CDH8: variants seen among roughly 807,000 people sequenced by gnomAD.
CDH8 encodes cadherin-8.
CDH8 carries 17 observed loss-of-function variants against 68.1 expected under a neutral mutation model. The ratio of observed to expected loss-of-function variants is 0.25; its 90% CI spans 0.17 to 0.37. The LOEUF is 0.37. CDH8 is among the 10% of genes least tolerant of loss of function. CDH8 has a pLI of 1.00. For missense variants in CDH8, 763 were observed against 999.3 expected (o/e 0.76, Z 3.19); for synonymous variants, 372 against 365.1 (o/e 1.02, Z -0.21).
intron 8 of CDH8, among the ~76,000 whole-genome samples, chr16:61,784,198 C>G (rs1193028897): frequency 6.6e-6 from 1 of 151,910 alleles, no homozygotes; most frequent in East Asian, 1.9e-4. Flanking sequence ...ACCCATCTCA[C>G]GTGCAGAGAC....
rs745949180 is a variant in CDH8, at chr16:61,650,706, T to TGTGTGTGAGAGAGAGAGAGAGAGAGAGA, written c.*2901_*2902insTCTCTCTCTCTCTCTCTCTCTCACACAC. ...GTGTGTGTGTGTGTGTGTGTGTGTG[T>TGTGTGTGAGAGAGAGAGAGAGAGAGAGA]GAGAGAGAGAGAGAGAGAGAGAGAG... On this transcript the variant is annotated 3_prime_UTR_variant, in exon 12 of 12. Transcript: ENST00000577390. The TGTGTGTGAGAGAGAGAGAGAGAGAGAGA allele has an allele frequency of 8.6e-6, 1 of 116,596 alleles. No homozygotes were observed. The highest frequency in any genetic ancestry group is 3.4e-5 in the African/African-American group (1 of 29,794). 7.2% of individuals were successfully genotyped at this position (116,596 alleles called of 1,614,324 possible). A position where few individuals can be genotyped will look rare whatever the true frequency, so the allele number is the denominator to read the frequency against.
intron 10 of CDH8, chr16:61,692,494 G>T (rs1964246115): frequency 1.3e-5 from 2 of 150,998 alleles, no homozygotes; most frequent in South Asian, 4.2e-4. Flanking sequence ...AAAAGCATGT[G>T]TGTTTATCTG....
chr16:61,837,300 T>C (rs1462285335), intron 4 of CDH8, among the ~76,000 whole-genome samples: 2 of 152,088 alleles, frequency 1.3e-5, no homozygotes, highest in African/African-American at 4.8e-5. Flanking sequence ...TTGCATTTTT[T>C]CTTTATGTTT....
At chr16:61,955,732 C>T (rs1447395962) in intron 2 of CDH8, among the ~76,000 whole-genome samples, 1 of 152,082 alleles carries the variant, frequency 6.6e-6, no homozygotes, top group Non-Finnish European at 1.5e-5. Flanking sequence ...TTCTGATAGT[C>T]TGTAAAAATA....
chr16:61,815,620 TC>T (rs1224171777), intron 7 of CDH8, among the ~76,000 whole-genome samples: 2 of 152,120 alleles, frequency 1.3e-5, no homozygotes, highest in Non-Finnish European at 2.9e-5. Flanking sequence ...ACCCTTATTT[TC>T]CCTAAGGACC....
At position 61,791,989 on chromosome 16, in the gene CDH8, G is replaced by T. The variant is rs1315759441; in HGVS notation, c.1278-2507C>A. On this transcript the variant is annotated intron_variant, in intron 7 of 11. Transcript: ENST00000577390. ...AGCTTAAATCAATCTCTGGCACTAA[G>T]TATGTACTAAAAATAGGCTCATCAT... is the stretch of plus-strand genomic sequence containing the variant. Among the ~76,000 whole-genome samples the T allele has an allele frequency of 2.6e-5, 4 of 151,980 alleles. No individual in the cohort carries two copies. The East Asian group carries it at 7.7e-4, about 29-fold the overall frequency.
intron 2 of CDH8, among the ~76,000 whole-genome samples, chr16:61,921,541 AT>A (rs1307941405): frequency 5.9e-5 from 9 of 152,360 alleles, no homozygotes; most frequent in Admixed American, 4.6e-4. Flanking sequence ...AAACTTCTAA[AT>A]ACTTAAATAT....
At chr16:61,733,228 A>G (rs761855712) in intron 8 of CDH8, among the ~76,000 whole-genome samples, 5 of 151,840 alleles carry the variant, frequency 3.3e-5, no homozygotes, top group Non-Finnish European at 7.4e-5. Flanking sequence ...AGTAAAATGT[A>G]TATGCTAAGC....
intron 2 of CDH8, among the ~76,000 whole-genome samples, chr16:61,982,366 C>T (rs910127644): frequency 6.6e-6 from 1 of 152,078 alleles, no homozygotes; most frequent in Non-Finnish European, 1.5e-5. Flanking sequence ...ACTACAGGCG[C>T]CCGCCACCTC....
intron 10 of CDH8, among the ~76,000 whole-genome samples, chr16:61,705,737 G>A (rs1964516007): frequency 6.7e-6 from 1 of 149,474 alleles, no homozygotes; most frequent in African/African-American, 2.5e-5. Context: ...CACAAAATTG[G>A]GTTAAGGAGG....
At chr16:61,958,843 G>A (rs530021009) in intron 2 of CDH8, among the ~76,000 whole-genome samples, 14 of 152,232 alleles carry the variant, frequency 9.2e-5, no homozygotes, top group Admixed American at 9.2e-4. Context: ...CTACTCAAGA[G>A]TATGACACAG....
intron 2 of CDH8, among the ~76,000 whole-genome samples, chr16:61,954,700 C>CAAAA (rs35839753): frequency 2.2e-4 from 15 of 67,886 alleles, no homozygotes; most frequent in East Asian, 5.9e-4. Context: ...GACTCCATCT[C>CAAAA]AAAAAAAAAA....
chr16:61,657,937 A>T (rs1487107019), intron 10 of CDH8, among the ~76,000 whole-genome samples: 1 of 152,088 alleles, frequency 6.6e-6, no homozygotes, highest in East Asian at 1.9e-4. Flanking sequence ...ATATTTTTTT[A>T]CTAATCCTGG....
chr16:62,025,299 C>G (rs901414967), intron 1 of CDH8, among the ~76,000 whole-genome samples: 4 of 152,132 alleles, frequency 2.6e-5, no homozygotes, highest in African/African-American at 9.6e-5. Context: ...TTTTTCCTAC[C>G]CATCAAATTC....
chr16:61,669,277 A>G (rs1344405766), intron 10 of CDH8, among the ~76,000 whole-genome samples: 1 of 152,078 alleles, frequency 6.6e-6, no homozygotes, highest in Non-Finnish European at 1.5e-5. Context: ...GACACATTTA[A>G]TTAATTCCAC....
At chr16:61,920,486 A>G (rs1246696913) in intron 2 of CDH8, among the ~76,000 whole-genome samples, 2 of 144,102 alleles carry the variant, frequency 1.4e-5, no homozygotes, top group East Asian at 4.2e-4. Flanking sequence ...TTATGCAGCC[A>G]AAAAACACAT....
intron 10 of CDH8, among the ~76,000 whole-genome samples, chr16:61,678,488 T>C (rs1188765307): frequency 6.6e-6 from 1 of 152,060 alleles, no homozygotes; most frequent in Non-Finnish European, 1.5e-5. Context: ...GTGTCAGATA[T>C]CAATTCCTTT....
chr16:61,702,780 A>G (rs1964458031), intron 10 of CDH8, among the ~76,000 whole-genome samples: 1 of 152,240 alleles, frequency 6.6e-6, no homozygotes, highest in African/African-American at 2.4e-5. Context: ...AGGATTTAAG[A>G]GACAGTGTGT....
chr16:61,733,996 C>T (rs1247610156), intron 8 of CDH8, among the ~76,000 whole-genome samples: 2 of 151,902 alleles, frequency 1.3e-5, no homozygotes, highest in Admixed American at 1.3e-4. Context: ...CTACTCTCTG[C>T]CCTCATTTTG....
Sources: gnomAD v4.1 joint callset for allele counts (sites outside exome capture counted in the v4.1 genomes callset) on GRCh38, gnomAD v4.1.1 for gene constraint, MANE v1.5 for transcripts, NCBI Gene and HGNC (gene_info 2026-07-23, HGNC 2026-07-21) for gene names.